IGF2BP3: variants seen among roughly 807,000 people sequenced by gnomAD.
The protein encoded by IGF2BP3 is insulin-like growth factor 2 mRNA-binding protein 3.
In IGF2BP3, 9 loss-of-function variants were observed where a neutral mutation model predicts 73.8. That is an observed-to-expected ratio of 0.12 (90% CI 0.07 to 0.21). IGF2BP3 has a LOEUF of 0.21. Among genes scored for constraint, IGF2BP3 ranks in the 10% least tolerant of loss-of-function variants. The pLI is 1.00. For synonymous variants in IGF2BP3, 258 were observed against 256.7 expected (o/e 1.01, Z -0.05); for missense variants, 542 against 714.0 (o/e 0.76, Z 2.75).
chr7:23,386,519 A>G (rs1305467002), intron 3 of IGF2BP3, among the ~76,000 whole-genome samples: 2 of 152,264 alleles, frequency 1.3e-5, no homozygotes, highest in Non-Finnish European at 2.9e-5. Context: ...GAACATCAGA[A>G]CAGCAAAATA....
Position 23,351,590 on chromosome 7 carries a change from A to C in IGF2BP3, c.402-4T>G. The C allele has an allele frequency of 6.2e-7, 1 of 1,613,938 alleles. No homozygotes were observed. The highest frequency in any genetic ancestry group is 8.5e-7 in the Non-Finnish European group (1 of 1,179,972). The stretch of plus-strand genomic sequence containing the variant: ...TCCATTCAGTTTGTCTAGTGCTCTG[A>C]AAGTTGAAAAGGGGCAGGGGTGGGA... On this transcript the variant is annotated splice_region_variant and splice_polypyrimidine_tract_variant and intron_variant, in intron 5 of 14. Coordinates refer to ENST00000258729, the MANE Select transcript of IGF2BP3 (RefSeq NM_006547.3).
In IGF2BP3 at chr7:23,469,550, G is replaced by A. The variant is rs1788656711; in HGVS notation, c.175+386C>T. 6.5e-6 allele frequency: 1 copy of A among 153,374 alleles called. No homozygotes were observed. Among genetic ancestry groups the A allele is most frequent in the Admixed American group, 6.5e-5 (1 of 15,308 alleles). 9.5% of individuals were successfully genotyped at this position (153,374 alleles called of 1,614,324 possible). On this transcript the variant is annotated intron_variant, in intron 1 of 14. Transcript: ENST00000258729. The surrounding 1 kb of genome is among the most constrained non-coding windows in gnomAD (Gnocchi z 6.1). ...CCGTAAATAACGACCGAGGAAAGCA[G>A]GAAGGAACGAGGCACAGGCGGGCAT...
intron 3 of IGF2BP3, among the ~76,000 whole-genome samples, chr7:23,388,739 T>C (rs1424900166): frequency 6.6e-6 from 1 of 152,084 alleles, no homozygotes; most frequent in East Asian, 1.9e-4. Context: ...TCTGCATCTG[T>C]TGAATCTCAA....
At position 23,407,539 on chromosome 7, in the gene IGF2BP3, C is replaced by G. The variant is rs144542790; in HGVS notation, c.285+11237G>C. On this transcript the variant is annotated intron_variant, in intron 3 of 14. Transcript: ENST00000258729. ...CAGGAGAATCACTTGAACCAGGAGGCAGAGGTTGTGGTGAGCCAAGATTGG... is the reference window on the plus strand; with the variant it reads ...CAGGAGAATCACTTGAACCAGGAGGGAGAGGTTGTGGTGAGCCAAGATTGG... Among the ~76,000 whole-genome samples the G allele has an allele frequency of 3.5e-3, 514 of 145,676 alleles. 3 individuals are homozygous for G. The highest frequency in any genetic ancestry group is 0.013 in the African/African-American group (492 of 39,180).
chr7:23,330,178 C>A (rs531170581), intron 10 of IGF2BP3, among the ~76,000 whole-genome samples: 1 of 151,918 alleles, frequency 6.6e-6, no homozygotes, highest in South Asian at 2.1e-4. Context: ...CCCAGCTACT[C>A]GAGAGGCTGA....
chr7:23,364,723 G>A (rs1785325425), intron 3 of IGF2BP3, among the ~76,000 whole-genome samples: 1 of 152,152 alleles, frequency 6.6e-6, no homozygotes, highest in South Asian at 2.1e-4. Context: ...ATGAAGTCAG[G>A]AGGAAAAGTA....
At chr7:23,459,146 T>A (rs192264060) in intron 2 of IGF2BP3, among the ~76,000 whole-genome samples, 44 of 152,326 alleles carry the variant, frequency 2.9e-4, no homozygotes, top group African/African-American at 9.9e-4. Flanking sequence ...AGGACTTGCA[T>A]AGACAGCAGA....
At chr7:23,467,159 T>C (rs1252827381) in intron 2 of IGF2BP3, among the ~76,000 whole-genome samples, 2 of 152,220 alleles carry the variant, frequency 1.3e-5, no homozygotes, top group Non-Finnish European at 2.9e-5. Context: ...CCCTTTCAAT[T>C]ATCTTAATGA....
intron 3 of IGF2BP3, among the ~76,000 whole-genome samples, chr7:23,372,317 C>CG (rs958025818): frequency 6.7e-6 from 1 of 149,906 alleles, no homozygotes; most frequent in African/African-American, 2.5e-5. Flanking sequence ...TCGTGATCTG[C>CG]CCCCCCTGGC....
chr7:23,339,489 T>C (rs961341518), intron 10 of IGF2BP3, among the ~76,000 whole-genome samples: 5 of 152,236 alleles, frequency 3.3e-5, no homozygotes, highest in Admixed American at 3.3e-4. Context: ...TTAAAAATAG[T>C]TACCTACAAG....
chr7:23,388,607 CTT>C (rs35723715), intron 3 of IGF2BP3, among the ~76,000 whole-genome samples: 11 of 123,998 alleles, frequency 8.9e-5, no homozygotes, highest in Non-Finnish European at 8.4e-5. Flanking sequence ...TCTTCTCCAT[CTT>C]TTTTTTTTTT....
intron 3 of IGF2BP3, among the ~76,000 whole-genome samples, chr7:23,367,336 A>G (rs1411529738): frequency 1.3e-5 from 2 of 151,928 alleles, no homozygotes; most frequent in Non-Finnish European, 2.9e-5. Flanking sequence ...GTTACCTGTC[A>G]CATAAGCTAC....
Position 23,415,968 on chromosome 7 carries a change from T to C in IGF2BP3, c.285+2808A>G, listed in dbSNP as rs568073671. Among the ~76,000 whole-genome samples the C allele has an allele frequency of 7.9e-5, 12 of 152,302 alleles. No homozygotes were observed. In the East Asian group the frequency reaches 1.5e-3, roughly 20 times the overall value. ...TGGTGAATTTGTTGTTCTTATTATATCATAGCTAAAACATATTGTGTACTT... is the reference window on the plus strand; with the variant it reads ...TGGTGAATTTGTTGTTCTTATTATACCATAGCTAAAACATATTGTGTACTT... On this transcript the variant is annotated intron_variant, in intron 3 of 14. Coordinates refer to ENST00000258729, the MANE Select transcript of IGF2BP3 (RefSeq NM_006547.3).
intron 2 of IGF2BP3, among the ~76,000 whole-genome samples, chr7:23,463,014 T>C (rs995702627): frequency 2.6e-5 from 4 of 152,164 alleles, no homozygotes; most frequent in Admixed American, 6.5e-5. Flanking sequence ...CCCTTGGTCA[T>C]TGCTACCACA....
chr7:23,395,893 T>C (rs1054933620), intron 3 of IGF2BP3, among the ~76,000 whole-genome samples: 2 of 150,562 alleles, frequency 1.3e-5, no homozygotes, highest in Admixed American at 6.6e-5. Flanking sequence ...ATCACTGCAC[T>C]CCAGCCTGGG....
At chr7:23,438,169 A>C (rs748026239) in intron 2 of IGF2BP3, among the ~76,000 whole-genome samples, 20 of 152,154 alleles carry the variant, frequency 1.3e-4, no homozygotes, top group Non-Finnish European at 2.8e-4. Context: ...GCCCAGGCTG[A>C]AGTGCAGTGC....
chr7:23,398,199 G>A (rs1039000384), intron 3 of IGF2BP3, among the ~76,000 whole-genome samples: 10 of 152,048 alleles, frequency 6.6e-5, no homozygotes, highest in African/African-American at 2.4e-4. Flanking sequence ...TGCTGAGAAT[G>A]ATGGTTTCCA....
intron 2 of IGF2BP3, among the ~76,000 whole-genome samples, chr7:23,464,807 T>C (rs1788527459): frequency 6.6e-6 from 1 of 152,038 alleles, no homozygotes. Context: ...AATATCCTAT[T>C]ATTTTTTTCT....
At chr7:23,315,661 G>C (rs765064963) in intron 12 of IGF2BP3, among the ~76,000 whole-genome samples, 2 of 152,104 alleles carry the variant, frequency 1.3e-5, no homozygotes, top group Non-Finnish European at 2.9e-5. Context: ...ATATTCCAAT[G>C]ATCCTTAATG....
Sources: gnomAD v4.1 joint callset for allele counts (sites outside exome capture counted in the v4.1 genomes callset) on GRCh38, gnomAD v4.1.1 for gene constraint, Gnocchi (gnomAD v3.1) non-coding constraint, MANE v1.5 for transcripts, NCBI Gene and HGNC (gene_info 2026-07-23, HGNC 2026-07-21) for gene names.